SIK2: variants seen among roughly 807,000 people sequenced by gnomAD.
The protein encoded by SIK2 is serine/threonine-protein kinase SIK2.
A neutral mutation model predicts 103.2 loss-of-function variants in SIK2; 29 were observed. The ratio of observed to expected loss-of-function variants is 0.28; its 90% CI spans 0.21 to 0.38. The LOEUF is 0.38. SIK2 is among the 10% of genes least tolerant of loss of function. The pLI is 1.00. For synonymous variants in SIK2, 412 were observed against 446.1 expected, an observed-to-expected ratio of 0.92 and a Z score of 0.96; for missense variants, 879 against 1,171.0, an observed-to-expected ratio of 0.75 and a Z score of 3.64.
chr11:111,630,581 G>A (rs1942024537), intron 3 of SIK2, among the ~76,000 whole-genome samples: 2 of 152,128 alleles, frequency 1.3e-5, no homozygotes, highest in African/African-American at 4.8e-5. Context: ...GTAATAATGA[G>A]ATTTCAGAAT....
In SIK2 at chr11:111,602,780, T is replaced by C. The variant is rs1941600896; in HGVS notation, c.135+82T>C. On this transcript the variant is annotated intron_variant, in intron 1 of 14. Transcript: ENST00000304987. The surrounding 1 kb of genome is among the most constrained non-coding windows in gnomAD (Gnocchi z 4.5). Reference sequence around the variant, plus strand: ...TTACCGAGAGGGGCGGCCGCAGTGGTGGGACCGGGGAGACCCGAGAGGCCG... The same window carrying C: ...TTACCGAGAGGGGCGGCCGCAGTGGCGGGACCGGGGAGACCCGAGAGGCCG... 3 of 1,413,444 alleles carry C rather than the reference T, an allele frequency of 2.1e-6. No homozygotes were observed. In the Admixed American group the frequency reaches 8.6e-5, roughly 41 times the overall value. 87.6% of individuals were successfully genotyped at this position (1,413,444 alleles called of 1,614,324 possible). A position where few individuals can be genotyped will look rare whatever the true frequency, so the allele number is the denominator to read the frequency against.
In SIK2 at chr11:111,725,216, A is replaced by G. The variant is rs964663628; in HGVS notation, c.*1087A>G. On this transcript the variant is annotated 3_prime_UTR_variant, in exon 15 of 15. Coordinates refer to ENST00000304987, the MANE Select transcript of SIK2 (RefSeq NM_015191.3). ...TAATTCTTTCTTTTCTGTAGAAACC[A>G]ACAGTTTCCATTTATGTCAATGCTA... 2.0e-5 allele frequency: 3 copies of G among 152,636 alleles called. No homozygotes were observed. Among genetic ancestry groups the G allele is most frequent in the Non-Finnish European group, 4.4e-5 (3 of 68,042 alleles). The allele number at this position is 152,636 out of a possible 1,614,324, so 9.5% of individuals were successfully genotyped here.
At chr11:111,704,769 C>G (rs1943301977) in intron 7 of SIK2, among the ~76,000 whole-genome samples, 1 of 152,136 alleles carries the variant, frequency 6.6e-6, no homozygotes, top group Admixed American at 6.5e-5. Context: ...GGCTGGTAAA[C>G]CCATTTAAAG....
chr11:111,653,268 C>G (rs550665916), intron 3 of SIK2, among the ~76,000 whole-genome samples: 14 of 152,290 alleles, frequency 9.2e-5, no homozygotes, highest in African/African-American at 3.4e-4. Flanking sequence ...GTTGGAGATT[C>G]TTTAGTCATA....
chr11:111,662,404 G>C (rs1329899362), intron 3 of SIK2, among the ~76,000 whole-genome samples: 1 of 152,288 alleles, frequency 6.6e-6, no homozygotes, highest in African/African-American at 2.4e-5. Flanking sequence ...CAGTAAAACA[G>C]ACACATATAT....
intron 3 of SIK2, among the ~76,000 whole-genome samples, chr11:111,627,509 CT>C (rs1157190019): frequency 1.3e-5 from 2 of 152,110 alleles, no homozygotes; most frequent in Non-Finnish European, 2.9e-5. Flanking sequence ...AGGTTTGGTA[CT>C]GTCTGCAGTT....
intron 1 of SIK2, among the ~76,000 whole-genome samples, chr11:111,613,005 A>T (rs1334406208): frequency 6.6e-6 from 1 of 150,554 alleles, no homozygotes; most frequent in African/African-American, 2.5e-5. Context: ...AATTGAAGGG[A>T]GAATTATATC....
intron 3 of SIK2, among the ~76,000 whole-genome samples, chr11:111,631,605 C>T (rs1029846600): frequency 1.3e-5 from 2 of 152,140 alleles, no homozygotes; most frequent in Non-Finnish European, 2.9e-5. Flanking sequence ...AGTGGAGAGA[C>T]TGAAGAGGTT....
Position 111,701,101 on chromosome 11 carries a change from C to T in SIK2, c.603+91C>T. ...TCTTAGAAGCTCCTGGTACTTAACA[C>T]ATAAGCAGTATTTCATATTTTCCCC... On this transcript the variant is annotated intron_variant, in intron 5 of 14. Transcript: ENST00000304987. The surrounding 1 kb of genome is among the most constrained non-coding windows in gnomAD (Gnocchi z 4.2). 3 of 1,470,608 alleles carry T rather than the reference C, an allele frequency of 2.0e-6. No homozygotes were observed. The highest frequency in any genetic ancestry group is 2.7e-6 in the Non-Finnish European group (3 of 1,093,606). The allele number at this position is 1,470,608 out of a possible 1,614,324, so 91.1% of individuals were successfully genotyped here.
intron 3 of SIK2, among the ~76,000 whole-genome samples, chr11:111,669,266 A>G (rs910173696): frequency 3.3e-5 from 5 of 152,174 alleles, no homozygotes; most frequent in East Asian, 1.9e-4. Flanking sequence ...TTGTATGTGT[A>G]TATTTATTTC....
intron 2 of SIK2, among the ~76,000 whole-genome samples, chr11:111,616,941 T>C (rs1045484936): frequency 2.6e-5 from 4 of 152,230 alleles, no homozygotes; most frequent in Non-Finnish European, 4.4e-5. Context: ...AAAAGGATAC[T>C]GTATGTTTTA....
chr11:111,625,474 G>A (rs1941948906), intron 3 of SIK2, among the ~76,000 whole-genome samples: 1 of 152,158 alleles, frequency 6.6e-6, no homozygotes, highest in South Asian at 2.1e-4. Flanking sequence ...GATCCCTGAG[G>A]CATTTAAACA....
intron 4 of SIK2, among the ~76,000 whole-genome samples, chr11:111,695,421 A>C (rs1943048704): frequency 6.6e-6 from 1 of 152,110 alleles, no homozygotes; most frequent in African/African-American, 2.4e-5. Context: ...TCCTGTTTTA[A>C]AAAAAAGGAC....
At chr11:111,721,759 G>C (rs1189683085) in intron 12 of SIK2, 71 bp from the exon 13 acceptor site, 1 of 1,194,900 alleles carries the variant, frequency 8.4e-7, no homozygotes, top group Non-Finnish European at 1.2e-6. Flanking sequence ...TTGCAAAGGT[G>C]CTTCAGCTAA....
chr11:111,661,789 C>T (rs1020351988), intron 3 of SIK2, among the ~76,000 whole-genome samples: 1 of 152,190 alleles, frequency 6.6e-6, no homozygotes, highest in Non-Finnish European at 1.5e-5. Context: ...TGCAGAGGAA[C>T]TGCCCTTTAT....
At position 111,701,693 on chromosome 11, in the gene SIK2, G is replaced by C; in HGVS notation, c.727+118G>C. The C allele has an allele frequency of 7.5e-7, 1 of 1,324,542 alleles. No homozygotes were observed. Among genetic ancestry groups the C allele is most frequent in the Admixed American group, 2.3e-5 (1 of 44,206 alleles). 82.0% of individuals were successfully genotyped at this position (1,324,542 alleles called of 1,614,324 possible). A position where few individuals can be genotyped will look rare whatever the true frequency, so the allele number is the denominator to read the frequency against. ...GGGTGCCAAATAAAGTGACTGAGCT[G>C]TAGGTTAAAAGCTATAGAAAGAAGC... On this transcript the variant is annotated intron_variant, in intron 6 of 14. Transcript: ENST00000304987. This position sits in a 1 kb window ranked among gnomAD's most constrained non-coding sequence, Gnocchi z 4.2.
At chr11:111,616,437 A>G (rs535439185) in intron 2 of SIK2, 78 bp downstream of exon 2, 255 of 839,194 alleles carry the variant, frequency 3.0e-4, no homozygotes, top group Admixed American at 8.3e-4. Context: ...TTCTTCTTAT[A>G]TTTGTTTTTC....
At chr11:111,605,990 G>C (rs1168008486) in intron 1 of SIK2, among the ~76,000 whole-genome samples, 4 of 152,160 alleles carry the variant, frequency 2.6e-5, no homozygotes, top group African/African-American at 7.2e-5. Flanking sequence ...TTATGAATTA[G>C]AGATGCTAAT....
intron 4 of SIK2, among the ~76,000 whole-genome samples, chr11:111,691,399 T>C (rs893850168): frequency 1.3e-5 from 2 of 152,186 alleles, no homozygotes; most frequent in Admixed American, 1.3e-4. Flanking sequence ...GGGAGCCGCT[T>C]AGCTATTGCC....
Sources: gnomAD v4.1 joint callset for allele counts (sites outside exome capture counted in the v4.1 genomes callset) on GRCh38, gnomAD v4.1.1 for gene constraint, Gnocchi (gnomAD v3.1) non-coding constraint, MANE v1.5 for transcripts, NCBI Gene and HGNC (gene_info 2026-07-23, HGNC 2026-07-21) for gene names.